The following NNT variants were observed in gnomAD, a reference collection of about 807,000 sequenced individuals.
NNT encodes nicotinamide nucleotide transhydrogenase, also known as NAD(P) transhydrogenase, mitochondrial.
In NNT, 50 loss-of-function variants were observed where a neutral mutation model predicts 104.8. The ratio of observed to expected loss-of-function variants is 0.48; its 90% CI spans 0.38 to 0.60. The LOEUF (loss-of-function observed/expected upper bound fraction) is 0.60, where lower values mean the gene tolerates loss of function less well. Among genes scored for constraint, NNT ranks in the 20% least tolerant of loss-of-function variants. NNT has a pLI of 0.00. For synonymous variants in NNT, 461 were observed against 490.4 expected, an observed-to-expected ratio of 0.94 and a Z score of 0.79; for missense variants, 1,131 against 1,330.7, an observed-to-expected ratio of 0.85 and a Z score of 2.33.
chr5:43,684,532 G>T (rs1741883391), intron 19 of NNT, among the ~76,000 whole-genome samples: 2 of 151,990 alleles, frequency 1.3e-5, no homozygotes, highest in African/African-American at 4.8e-5. Flanking sequence ...TAGTTTTTGT[G>T]GACAGCAGTT....
intron 17 of NNT, chr5:43,667,306 T>A (rs1310309878): frequency 1.7e-5 from 11 of 635,476 alleles, no homozygotes; most frequent in African/African-American, 9.2e-5. Flanking sequence ...AGTTCTAGGG[T>A]ACATGTGCAC....
intron 12 of NNT, 74 bp from the exon 13 acceptor site, chr5:43,651,665 A>G: frequency 6.8e-7 from 1 of 1,474,912 alleles, no homozygotes; most frequent in Admixed American, 1.9e-5. Context: ...GAAAAATTGT[A>G]GCACTTTAAA....
intron 17 of NNT, among the ~76,000 whole-genome samples, chr5:43,673,564 A>T (rs59514683): frequency 0.012 from 1,854 of 152,326 alleles, 36 homozygotes; most frequent in African/African-American, 0.043. Context: ...AGAACTGTAT[A>T]ATTCAAAACT....
At position 43,643,316 on chromosome 5, in the gene NNT, G is replaced by A. The variant is rs187167814; in HGVS notation, c.965-876G>A. The stretch of plus-strand genomic sequence containing the variant: ...TTATGAAATGTGAACACGATAGTAT[G>A]CTGACAGTATAAGCCCCTGTTGAAC... On this transcript the variant is annotated intron_variant, in intron 7 of 21. Transcript: ENST00000344920. Among the ~76,000 whole-genome samples the A allele has an allele frequency of 6.5e-3, 983 of 152,302 alleles. 2 individuals are homozygous for A. Among genetic ancestry groups the A allele is most frequent in the Non-Finnish European group, 9.8e-3 (666 of 68,026 alleles).
chr5:43,691,243 G>A (rs1279254099), intron 19 of NNT, among the ~76,000 whole-genome samples: 1 of 152,124 alleles, frequency 6.6e-6, no homozygotes, highest in African/African-American at 2.4e-5. Flanking sequence ...TGGGACTATA[G>A]GCATGTGCCA....
chr5:43,677,602 C>T, intron 18 of NNT, 123 bp from the exon 19 acceptor site: 1 of 809,692 alleles, frequency 1.2e-6, no homozygotes, highest in South Asian at 1.6e-5. Context: ...GCTTTCATTT[C>T]TAGTCCTGTT....
intron 5 of NNT, among the ~76,000 whole-genome samples, chr5:43,621,025 T>C (rs1301184423): frequency 6.6e-6 from 1 of 152,228 alleles, no homozygotes; most frequent in African/African-American, 2.4e-5. Flanking sequence ...GGACTTTGGT[T>C]ACATGACAGA....
chr5:43,660,961 G>C (rs982976785), intron 17 of NNT, among the ~76,000 whole-genome samples: 1 of 152,022 alleles, frequency 6.6e-6, no homozygotes, highest in Non-Finnish European at 1.5e-5. Context: ...TAAAAAACTC[G>C]CTTATTTTAC....
intron 4 of NNT, among the ~76,000 whole-genome samples, chr5:43,617,898 T>C (rs1431269655): frequency 6.6e-6 from 1 of 152,220 alleles, no homozygotes; most frequent in Non-Finnish European, 1.5e-5. Flanking sequence ...TTAATAATGG[T>C]GACTTTATAT....
rs1751386831 is a variant in NNT, at chr5:43,644,273, A to C, written c.1046A>C (p.Glu349Ala). 1.9e-6 allele frequency: 3 copies of C among 1,613,974 alleles called. No homozygotes were observed. The highest frequency in any genetic ancestry group is 8.5e-7 in the Non-Finnish European group (1 of 1,179,952). ...TCAGTTGTTGTGGATTTAGCTGCTGAGGCTGGTGGAAACTTTGAAACCACT... is the reference window on the plus strand; with the variant it reads ...TCAGTTGTTGTGGATTTAGCTGCTGCGGCTGGTGGAAACTTTGAAACCACT... ...EGSVVVDLAA[E>A]AGGNFETTKP... The change falls in exon 8 of 22, where the codon GAG becomes GCG. Residue 349 changes from glutamate (E) to alanine (A), a missense_variant. By Grantham distance (107) the Glu-to-Ala change is moderately radical (BLOSUM62 -1). Coordinates refer to ENST00000344920, the MANE Select transcript of NNT (RefSeq NM_182977.3).
intron 17 of NNT, among the ~76,000 whole-genome samples, chr5:43,672,353 G>A (rs746668895): frequency 9.9e-5 from 15 of 152,214 alleles, no homozygotes; most frequent in Non-Finnish European, 1.3e-4. Context: ...GGAGGGGGGA[G>A]AGGCGCTCTG....
At chr5:43,669,615 A>T (rs1338232585) in intron 17 of NNT, among the ~76,000 whole-genome samples, 1 of 152,142 alleles carries the variant, frequency 6.6e-6, no homozygotes, top group African/African-American at 2.4e-5. Flanking sequence ...CCAGCCTTGC[A>T]TCCCAGGGAT....
intron 19 of NNT, among the ~76,000 whole-genome samples, chr5:43,691,920 CCAAA>C (rs1165840651): frequency 6.6e-6 from 1 of 152,104 alleles, no homozygotes; most frequent in Non-Finnish European, 1.5e-5. Context: ...CCTGTGTCTA[CCAAA>C]CAGTGCATTA....
In NNT at chr5:43,661,393, A is replaced by T. The variant is rs951151123; in HGVS notation, c.2634+2043A>T. Among the ~76,000 whole-genome samples the T allele has an allele frequency of 9.8e-5, 12 of 122,862 alleles. No individual in the cohort carries two copies. In the South Asian group the frequency reaches 2.2e-3, roughly 22 times the overall value. 80.6% of individuals were successfully genotyped at this position (122,862 alleles called of 152,430 possible). On this transcript the variant is annotated intron_variant, in intron 17 of 21. Transcript: ENST00000344920. ...TGCGGTTTGTCAGAAAGTGGCTTTT[A>T]TTTATTTATTTATTTATTTATTTAT...
At chr5:43,690,142 A>C (rs1372060428) in intron 19 of NNT, among the ~76,000 whole-genome samples, 1 of 152,214 alleles carries the variant, frequency 6.6e-6, no homozygotes, top group African/African-American at 2.4e-5. Flanking sequence ...AGATCGACAC[A>C]TCCAAATAAC....
At chr5:43,659,713 C>T (rs777827306) in intron 17 of NNT, among the ~76,000 whole-genome samples, 16 of 151,670 alleles carry the variant, frequency 1.1e-4, no homozygotes, top group South Asian at 2.1e-4. Flanking sequence ...GGTGACATAG[C>T]GAGACTCCAT....
intron 19 of NNT, among the ~76,000 whole-genome samples, chr5:43,682,441 C>A (rs1741772602): frequency 1.3e-5 from 2 of 152,116 alleles, no homozygotes; most frequent in African/African-American, 4.8e-5. Flanking sequence ...AAACTCCTGA[C>A]CTCAGGTGAT....
chr5:43,695,874 A>G (rs1742533144), intron 19 of NNT, among the ~76,000 whole-genome samples: 1 of 152,186 alleles, frequency 6.6e-6, no homozygotes, highest in Non-Finnish European at 1.5e-5. Flanking sequence ...ACCAGTTCTC[A>G]TGAGACTTAT....
intron 19 of NNT, among the ~76,000 whole-genome samples, chr5:43,686,550 G>T (rs558931135): frequency 6.6e-6 from 1 of 151,712 alleles, no homozygotes; most frequent in East Asian, 1.9e-4. Context: ...ATTTTTACTG[G>T]CATTACAAGA....
Sources: gnomAD v4.1 joint callset for allele counts (sites outside exome capture counted in the v4.1 genomes callset) on GRCh38, gnomAD v4.1.1 for gene constraint, MANE v1.5 for transcripts, NCBI Gene and HGNC (gene_info 2026-07-23, HGNC 2026-07-21) for gene names.